DOCK3: variants seen among roughly 807,000 people sequenced by gnomAD.
The protein encoded by DOCK3 is dedicator of cytokinesis 3, also known as dedicator of cytokinesis protein 3.
DOCK3 carries 60 observed loss-of-function variants against 265.6 expected under a neutral mutation model. The ratio of observed to expected loss-of-function variants is 0.23; its 90% CI spans 0.18 to 0.28. The LOEUF is 0.28. Ranked by LOEUF, DOCK3 falls within the 10% of genes least tolerant of loss-of-function variation. The probability of loss-of-function intolerance (pLI) is 1.00; values close to 1 mark genes in which losing one functional copy is unlikely to be tolerated. For synonymous variants in DOCK3, 881 were observed against 938.0 expected, an observed-to-expected ratio of 0.94 and a Z score of 1.11; for missense variants, 1,981 against 2,594.3, an observed-to-expected ratio of 0.76 and a Z score of 5.14.
chr3:50,678,813 T>G (rs1250403964), intron 1 of DOCK3, among the ~76,000 whole-genome samples: 1 of 151,912 alleles, frequency 6.6e-6, no homozygotes, highest in Non-Finnish European at 1.5e-5. Flanking sequence ...GCCTAATTTT[T>G]TTTTTTCTTT....
intron 2 of DOCK3, among the ~76,000 whole-genome samples, chr3:50,827,820 T>A (rs2044858170): frequency 6.6e-6 from 1 of 152,188 alleles, no homozygotes; most frequent in Non-Finnish European, 1.5e-5. Context: ...TTTCTCAACT[T>A]ATCCTTTCTT....
chr3:51,012,651 G>T lies in DOCK3; in HGVS notation c.316-51797G>T, dbSNP rs140988868. On this transcript the variant is annotated intron_variant, in intron 5 of 52. Coordinates refer to ENST00000266037, the MANE Select transcript of DOCK3 (RefSeq NM_004947.5). ...TCACACCCGGTGGACTGCACCCACT[G>T]TCCTGCACCCACTGTCCGATAAGCC... Among the ~76,000 whole-genome samples the T allele has an allele frequency of 7.4e-3, 1,109 of 150,702 alleles. 7 individuals are homozygous for T. The highest frequency in any genetic ancestry group is 0.01 in the African/African-American group (426 of 41,432).
chr3:50,791,800 G>A (rs2042493466), intron 2 of DOCK3, among the ~76,000 whole-genome samples: 1 of 152,074 alleles, frequency 6.6e-6, no homozygotes. Flanking sequence ...TTTGTTTTTT[G>A]TACTAGTACC....
At chr3:50,942,111 T>A (rs1015484480) in intron 5 of DOCK3, among the ~76,000 whole-genome samples, 1 of 152,050 alleles carries the variant, frequency 6.6e-6, no homozygotes, top group African/African-American at 2.4e-5. Flanking sequence ...GCTGGGTAAA[T>A]GGTATATGGA....
intron 5 of DOCK3, among the ~76,000 whole-genome samples, chr3:51,010,803 A>C (rs555420971): frequency 1.3e-5 from 2 of 152,290 alleles, no homozygotes; most frequent in Non-Finnish European, 2.9e-5. Context: ...GAGCTCTTGT[A>C]GGGCAGGCTT....
In DOCK3 at chr3:51,312,466, G is replaced by C. The variant is rs1479847854; in HGVS notation, c.3094-10G>C. 6.2e-7 allele frequency: 1 copy of C among 1,611,762 alleles called. No homozygotes were observed. Among genetic ancestry groups the C allele is most frequent in the Admixed American group, 1.7e-5 (1 of 59,640 alleles). ...AGACTGTCACATTTTCTCTTTCTCT[G>C]TCTGTCTAGGTGTGGAATTCTTACT... is the stretch of plus-strand genomic sequence containing the variant. On this transcript the variant is annotated splice_polypyrimidine_tract_variant and intron_variant, in intron 29 of 52. Coordinates refer to ENST00000266037, the MANE Select transcript of DOCK3 (RefSeq NM_004947.5).
At chr3:50,983,696 T>G (rs1042200143) in intron 5 of DOCK3, among the ~76,000 whole-genome samples, 10 of 152,138 alleles carry the variant, frequency 6.6e-5, no homozygotes, top group African/African-American at 2.4e-4. Flanking sequence ...TTGCTCATCC[T>G]CCACTTGCCT....
At chr3:50,969,063 T>C (rs2077117391) in intron 5 of DOCK3, among the ~76,000 whole-genome samples, 1 of 152,132 alleles carries the variant, frequency 6.6e-6, no homozygotes, top group Non-Finnish European at 1.5e-5. Flanking sequence ...ATCTGTCTAG[T>C]GTTGTCAGTG....
At chr3:50,825,935 TAAG>T (rs1192790867) in intron 2 of DOCK3, among the ~76,000 whole-genome samples, 1 of 140,562 alleles carries the variant, frequency 7.1e-6, no homozygotes, top group East Asian at 2.1e-4. Context: ...TTACTAGGAA[TAAG>T]AAGGGTTGTG....
chr3:50,733,994 T>C (rs545148946), intron 1 of DOCK3, among the ~76,000 whole-genome samples: 1 of 152,308 alleles, frequency 6.6e-6, no homozygotes, highest in South Asian at 2.1e-4. Flanking sequence ...TGACACAACA[T>C]TGTGACTGTA....
At chr3:50,880,934 C>T (rs1205581779) in intron 3 of DOCK3, among the ~76,000 whole-genome samples, 2 of 152,174 alleles carry the variant, frequency 1.3e-5, no homozygotes, top group African/African-American at 4.8e-5. Context: ...CCACCATGAT[C>T]AAGTGGGCTT....
At chr3:51,096,362 CT>C (rs1339240959) in intron 9 of DOCK3, among the ~76,000 whole-genome samples, 2 of 150,666 alleles carry the variant, frequency 1.3e-5, no homozygotes, top group African/African-American at 4.9e-5. Flanking sequence ...TTTCTCTAAT[CT>C]TTTCTTCACA....
intron 9 of DOCK3, among the ~76,000 whole-genome samples, chr3:51,139,260 GA>G (rs368195645): frequency 0.038 from 5,656 of 150,400 alleles, 400 homozygotes; most frequent in African/African-American, 0.13. Flanking sequence ...GCAGTGGGGG[GA>G]GGGCTAAGAT....
At chr3:50,694,528 G>T (rs2035480352) in intron 1 of DOCK3, among the ~76,000 whole-genome samples, 1 of 152,192 alleles carries the variant, frequency 6.6e-6, no homozygotes, top group African/African-American at 2.4e-5. Context: ...GGGCCAACAG[G>T]CTGGGTGCAG....
At chr3:51,199,539 C>T (rs1401735136) in intron 12 of DOCK3, among the ~76,000 whole-genome samples, 1 of 152,262 alleles carries the variant, frequency 6.6e-6, no homozygotes, top group East Asian at 1.9e-4. Flanking sequence ...AGCCAGGAAG[C>T]TCCAACTGGG....
intron 4 of DOCK3, among the ~76,000 whole-genome samples, chr3:50,914,339 A>G (rs1159432355): frequency 1.3e-5 from 2 of 151,990 alleles, no homozygotes; most frequent in African/African-American, 2.4e-5. Context: ...ATTGATTTCT[A>G]TAAACTTTCC....
intron 51 of DOCK3, among the ~76,000 whole-genome samples, chr3:51,379,019 G>A (rs1014873647): frequency 6.6e-6 from 1 of 152,194 alleles, no homozygotes; most frequent in Non-Finnish European, 1.5e-5. Flanking sequence ...CTTGCTCCCT[G>A]CTTTTCCCAC....
intron 39 of DOCK3, 99 bp downstream of exon 39, chr3:51,349,037 T>C: frequency 1.7e-6 from 2 of 1,182,116 alleles, no homozygotes. Context: ...CTGTGGACAA[T>C]ACAAGAGAAA....
At chr3:50,686,001 T>C (rs1247038324) in intron 1 of DOCK3, among the ~76,000 whole-genome samples, 1 of 152,194 alleles carries the variant, frequency 6.6e-6, no homozygotes, top group Admixed American at 6.5e-5. Context: ...AAGGTAGTTT[T>C]TCCATGGACA....
Sources: gnomAD v4.1 joint callset for allele counts (sites outside exome capture counted in the v4.1 genomes callset) on GRCh38, gnomAD v4.1.1 for gene constraint, MANE v1.5 for transcripts, NCBI Gene and HGNC (gene_info 2026-07-23, HGNC 2026-07-21) for gene names.